B3GALT2: variants seen among roughly 807,000 people sequenced by gnomAD.
B3GALT2 encodes UDP-Gal:betaGlcNAc beta 1,3-galactosyltransferase, polypeptide 2.
In B3GALT2, 13 loss-of-function variants were observed where a neutral mutation model predicts 33.5. The ratio of observed to expected loss-of-function variants is 0.39; its 90% CI spans 0.25 to 0.62. The LOEUF (loss-of-function observed/expected upper bound fraction) is 0.62. B3GALT2 is among the 20% of genes least tolerant of loss of function. The pLI, the probability that B3GALT2 is intolerant of heterozygous loss-of-function variation, is 0.53. For synonymous variants in B3GALT2, 195 were observed against 172.7 expected (o/e 1.13, Z -1.01); for missense variants, 418 against 509.1 (o/e 0.82, Z 1.72).
chr1:193,182,273 G>T (rs534572089), intron 1 of B3GALT2, among the ~76,000 whole-genome samples: 2 of 152,032 alleles, frequency 1.3e-5, no homozygotes, highest in Admixed American at 1.3e-4. Flanking sequence ...AATTTTCAGG[G>T]TCTAGTAACT....
intron 1 of B3GALT2, among the ~76,000 whole-genome samples, chr1:193,185,464 C>G (rs944770410): frequency 2.6e-5 from 4 of 151,794 alleles, no homozygotes; most frequent in African/African-American, 7.3e-5. Context: ...TGTTGATACT[C>G]TCTTTGGTTG....
chr1:193,180,858 C>T lies in B3GALT2; in HGVS notation c.705G>A (p.Met235Ile), dbSNP rs367862139. 10 of 1,613,790 alleles carry T rather than the reference C, an allele frequency of 6.2e-6. No homozygotes were observed. The African/African-American group carries it at 1.1e-4, about 17-fold the overall frequency. ...GTGGACAGTATGTTGCAACCCAGTT[C>T]ATGCCCATTAGTGTTTTAATGGTCA... is the stretch of plus-strand genomic sequence containing the variant. Reference protein sequence around the residue: ...YNLTIKTLMGMNWVATYCPHI... With the variant: ...YNLTIKTLMGINWVATYCPHI... The change falls in exon 2 of 2, where the codon ATG becomes ATA. Residue 235 changes from methionine (M) to isoleucine (I), a missense_variant. Met to Ile is a conservative substitution (Grantham distance 10, BLOSUM62 1). Coordinates refer to ENST00000367434, the MANE Select transcript of B3GALT2 (RefSeq NM_003783.3).
Position 193,186,329 on chromosome 1 carries a change from A to C in B3GALT2, c.-431T>G, listed in dbSNP as rs181462524. 1.8e-3 allele frequency: 280 copies of C among 152,522 alleles called. 3 individuals carry two copies. The highest frequency in any genetic ancestry group is 6.5e-4 in the Non-Finnish European group (44 of 68,034). The allele number at this position is 152,522 out of a possible 1,614,324, so 9.4% of individuals were successfully genotyped here. On this transcript the variant is annotated 5_prime_UTR_variant, in exon 1 of 2. An upstream start codon of the reference 5' UTR is lost. Coordinates refer to ENST00000367434, the MANE Select transcript of B3GALT2 (RefSeq NM_003783.3). The stretch of plus-strand genomic sequence containing the variant: ...GTTGACTCTTCCCGACAGTTGATGC[A>C]TTGAAGCTTTTTACATCTGCTATTT...
rs368627867 is a variant in B3GALT2 at position 193,183,508 on chromosome 1, CAT to C, written c.-120-1828_-120-1827del. 1.1e-4 allele frequency among the ~76,000 whole-genome samples: 17 copies of C among 150,632 alleles called. No homozygotes were observed. In the East Asian group the frequency reaches 3.3e-3, roughly 29 times the overall value. On this transcript the variant is annotated intron_variant, in intron 1 of 1. Transcript: ENST00000367434. ...AAGGCTATTCACTGTACCAACAAAA[CAT>C]AGTTCTGCTGTAAGCTAAGCTGAAA...
rs981465000 is a variant in B3GALT2, at chr1:193,179,816, A to G, written c.*478T>C. ...AACTCAACTAAATCTTATTGCATTT[A>G]GAACCCTAAAATAGGTCAAAAAATT... On this transcript the variant is annotated 3_prime_UTR_variant, in exon 2 of 2. Transcript: ENST00000367434. 2 of 152,640 alleles carry G rather than the reference A, an allele frequency of 1.3e-5. No homozygotes were observed. Among genetic ancestry groups the G allele is most frequent in the African/African-American group, 4.8e-5 (2 of 41,462 alleles). 9.5% of individuals were successfully genotyped at this position (152,640 alleles called of 1,614,324 possible).
At chr1:193,183,834 G>A (rs1014027611) in intron 1 of B3GALT2, among the ~76,000 whole-genome samples, 5 of 151,796 alleles carry the variant, frequency 3.3e-5, no homozygotes, top group Non-Finnish European at 5.9e-5. Flanking sequence ...TTGGAATCTG[G>A]TTGAAGTCCA....
In B3GALT2 at chr1:193,181,633, C is replaced by T; in HGVS notation, c.-71G>A. 2 of 1,319,500 alleles carry T rather than the reference C, an allele frequency of 1.5e-6. No individual in the cohort carries two copies. The highest frequency in any genetic ancestry group is 2.1e-6 in the Non-Finnish European group (2 of 959,078). The allele number at this position is 1,319,500 out of a possible 1,614,324, so 81.7% of individuals were successfully genotyped here. On this transcript the variant is annotated 5_prime_UTR_variant, in exon 2 of 2. Coordinates refer to ENST00000367434, the MANE Select transcript of B3GALT2 (RefSeq NM_003783.3). Reference sequence around the variant, plus strand: ...ATGTTTTCTTCTCCTTAATACTATTCTTTGGCAATCATTTTCTAATTCAGT... The same window carrying T: ...ATGTTTTCTTCTCCTTAATACTATTTTTTGGCAATCATTTTCTAATTCAGT...
Position 193,180,517 on chromosome 1 carries a change from G to T in B3GALT2, c.1046C>A (p.Ala349Asp). ...GGGTACAGGATCAATTCTCAACTTG[G>T]CAAGACAGATCCCTACATATACATC... ...LEDVYVGICL[A>D]KLRIDPVPPP... The change falls in exon 2 of 2, where the codon GCC becomes GAC. Residue 349 changes from alanine to aspartate, a missense_variant. This residue lies in a region of B3GALT2 where 226 missense variants were observed against 293.9 expected (regional missense o/e 0.77). Coordinates refer to ENST00000367434, the MANE Select transcript of B3GALT2 (RefSeq NM_003783.3). 6.2e-7 allele frequency: 1 copy of T among 1,614,004 alleles called. No individual in the cohort carries two copies. The highest frequency in any genetic ancestry group is 1.1e-5 in the South Asian group (1 of 91,074).
chr1:193,181,372 A>G lies in B3GALT2; in HGVS notation c.191T>C (p.Phe64Ser), dbSNP rs1480896347. 4 of 1,613,958 alleles carry G rather than the reference A, an allele frequency of 2.5e-6. No homozygotes were observed. Among genetic ancestry groups the G allele is most frequent in the Admixed American group, 3.3e-5 (2 of 59,990 alleles). The change falls in exon 2 of 2, where the codon TTC becomes TCC. Residue 64 changes from phenylalanine to serine, a missense_variant. Transcript: ENST00000367434. ...GFKENPVTYTFRGFRSTKSET... is the reference protein window; with the variant it reads ...GFKENPVTYTSRGFRSTKSET... The stretch of plus-strand genomic sequence containing the variant: ...ACTTTTTGTTGACCGAAATCCTCGG[A>G]AAGTGTATGTCACAGGGTTTTCTTT...
In B3GALT2 at chr1:193,180,759, C is replaced by T. The variant is rs146711525; in HGVS notation, c.804G>A (p.Lys268=). 291 of 1,614,072 alleles carry T rather than the reference C, an allele frequency of 1.8e-4. 1 individual carries two copies. In the African/African-American group the frequency reaches 1.9e-3, roughly 10 times the overall value. The change falls in exon 2 of 2, where the codon AAG becomes AAA. Residue 268 remains lysine, a synonymous_variant. Transcript: ENST00000367434. The part of the protein sequence containing the change: ...NTEYLINKLL[K]PDLPPRHNYF... The stretch of plus-strand genomic sequence containing the variant: ...AGTTATGTCTGGGAGGCAGATCTGG[C>T]TTCAGTAACTTATTGATTAAATATT...
chr1:193,185,693 A>T (rs940785309), intron 1 of B3GALT2, among the ~76,000 whole-genome samples: 4 of 152,076 alleles, frequency 2.6e-5, no homozygotes, highest in African/African-American at 9.7e-5. Flanking sequence ...AATTTGATAG[A>T]ATATTGCTGT....
intron 1 of B3GALT2, among the ~76,000 whole-genome samples, chr1:193,184,380 AAGAG>A (rs1223053485): frequency 2.0e-5 from 3 of 151,954 alleles, no homozygotes; most frequent in African/African-American, 4.8e-5. Context: ...AATTCTTAAA[AAGAG>A]AGAGCAAAAC....
At chr1:193,182,161 G>A (rs1313630163) in intron 1 of B3GALT2, among the ~76,000 whole-genome samples, 1 of 152,124 alleles carries the variant, frequency 6.6e-6, no homozygotes, top group African/African-American at 2.4e-5. Flanking sequence ...GTGCAAGGTT[G>A]ATTATGGCAG....
chr1:193,183,890 G>A (rs1558302652), intron 1 of B3GALT2, among the ~76,000 whole-genome samples: 1 of 151,492 alleles, frequency 6.6e-6, no homozygotes, highest in Non-Finnish European at 1.5e-5. Context: ...GTGTAAGAAG[G>A]AGTAAACAAT....
chr1:193,185,431 G>A (rs1288485125), intron 1 of B3GALT2, among the ~76,000 whole-genome samples: 3 of 151,660 alleles, frequency 2.0e-5, no homozygotes, highest in African/African-American at 7.3e-5. Flanking sequence ...GTATCTTCTT[G>A]TAGCTTGGTA....
chr1:193,179,475 G>A lies in B3GALT2; in HGVS notation c.*819C>T, dbSNP rs934781111. 6.6e-6 allele frequency: 1 copy of A among 152,586 alleles called. No homozygotes were observed. The highest frequency in any genetic ancestry group is 2.4e-5 in the African/African-American group (1 of 41,436). The allele number at this position is 152,586 out of a possible 1,614,324, so 9.5% of individuals were successfully genotyped here. On this transcript the variant is annotated 3_prime_UTR_variant, in exon 2 of 2. Transcript: ENST00000367434. ...AAGTTAGATATACATGAAATTAAAT[G>A]GTGGTGCTGTTTAAGAGTGCAGTAA...
Position 193,180,346 on chromosome 1 carries a change from G to A in B3GALT2, c.1217C>T (p.Ala406Val), listed in dbSNP as rs1437838029. 1 of 1,605,090 alleles carries A rather than the reference G, an allele frequency of 6.2e-7. No individual in the cohort carries two copies. Among genetic ancestry groups the A allele is most frequent in the Non-Finnish European group, 8.5e-7 (1 of 1,174,450 alleles). ...HLQQNKHNAC[A>V]NAAKEKAGRY... Reference sequence around the variant, plus strand: ...GCCTGCCTTTTCTTTTGCTGCGTTGGCACAGGCATTGTGCTTATTTTGTTG... The same window carrying A: ...GCCTGCCTTTTCTTTTGCTGCGTTGACACAGGCATTGTGCTTATTTTGTTG... The change falls in exon 2 of 2, where the codon GCC (alanine) becomes GTC (valine). Residue 406 changes from alanine (A) to valine (V), a missense_variant. This residue lies in a region of B3GALT2 where 226 missense variants were observed against 293.9 expected (regional missense o/e 0.77). Transcript: ENST00000367434.
intron 1 of B3GALT2, among the ~76,000 whole-genome samples, chr1:193,182,277 A>G (rs908633171): frequency 1.3e-5 from 2 of 152,174 alleles, no homozygotes; most frequent in African/African-American, 4.8e-5. Context: ...TTCAGGGTCT[A>G]GTAACTTCAG....
chr1:193,182,863 A>T (rs1387926760), intron 1 of B3GALT2, among the ~76,000 whole-genome samples: 1 of 152,074 alleles, frequency 6.6e-6, no homozygotes, highest in African/African-American at 2.4e-5. Flanking sequence ...AAACTTTTTG[A>T]CAAGGAGTGA....
Sources: gnomAD v4.1 joint callset for allele counts (sites outside exome capture counted in the v4.1 genomes callset) on GRCh38, gnomAD v4.1.1 for gene constraint, gnomAD v4.1.1 regional missense constraint, MANE v1.5 for transcripts, NCBI Gene and HGNC (gene_info 2026-07-23, HGNC 2026-07-21) for gene names.